Variants in CAMKMT observed in about 807,000 individuals in gnomAD.
The protein encoded by CAMKMT is calmodulin-lysine N-methyltransferase.
CAMKMT carries 53 observed loss-of-function variants against 48.0 expected under a neutral mutation model. That is an observed-to-expected ratio of 1.10 (90% CI 0.89 to 1.39). CAMKMT has a LOEUF of 1.39. CAMKMT is among the 40% of genes most tolerant of loss of function. CAMKMT has a pLI of 0.00. For synonymous variants in CAMKMT, 165 were observed against 152.3 expected, an observed-to-expected ratio of 1.08 and a Z score of -0.61; for missense variants, 428 against 402.7, an observed-to-expected ratio of 1.06 and a Z score of -0.54.
intron 3 of CAMKMT, among the ~76,000 whole-genome samples, chr2:44,648,379 T>C (rs1330094342): frequency 6.6e-6 from 1 of 152,172 alleles, no homozygotes; most frequent in African/African-American, 2.4e-5. Flanking sequence ...CATGATTATT[T>C]ATTAAATTTT....
At chr2:44,414,067 T>G (rs1369900815) in intron 3 of CAMKMT, among the ~76,000 whole-genome samples, 3 of 152,200 alleles carry the variant, frequency 2.0e-5, no homozygotes, top group African/African-American at 4.8e-5. Context: ...GCAGGATAAC[T>G]TGAATGATAC....
chr2:44,452,791 T>C (rs1667359798), intron 3 of CAMKMT, among the ~76,000 whole-genome samples: 1 of 152,024 alleles, frequency 6.6e-6, no homozygotes, highest in African/African-American at 2.4e-5. Flanking sequence ...AACCTAGTTC[T>C]TGCATTCATT....
chr2:44,557,342 T>G (rs1207036411), intron 3 of CAMKMT, among the ~76,000 whole-genome samples: 1 of 152,228 alleles, frequency 6.6e-6, no homozygotes, highest in African/African-American at 2.4e-5. Context: ...TTTGAGGAAA[T>G]AAAACTAACA....
chr2:44,624,006 C>T (rs1056994666), intron 3 of CAMKMT, among the ~76,000 whole-genome samples: 2 of 151,818 alleles, frequency 1.3e-5, no homozygotes, highest in Non-Finnish European at 2.9e-5. Flanking sequence ...AGTAGTATTC[C>T]ACTGTATGAA....
chr2:44,488,230 G>A (rs1669303194), intron 3 of CAMKMT, among the ~76,000 whole-genome samples: 1 of 152,186 alleles, frequency 6.6e-6, no homozygotes, highest in Admixed American at 6.5e-5. Context: ...CGGGCGCGGT[G>A]GCTCACACCT....
At chr2:44,758,129 C>T (rs1215509763) in intron 9 of CAMKMT, among the ~76,000 whole-genome samples, 2 of 152,182 alleles carry the variant, frequency 1.3e-5, no homozygotes, top group East Asian at 1.9e-4. Context: ...ACAGAAGTAA[C>T]TGCAAAATGA....
chr2:44,631,419 A>T, intron 3 of CAMKMT: 1 of 550,590 alleles, frequency 1.8e-6, no homozygotes, highest in Non-Finnish European at 3.2e-6. Context: ...TAATAATAAT[A>T]AAAAAGAAAG....
At chr2:44,651,362 A>G (rs1413389019) in intron 3 of CAMKMT, among the ~76,000 whole-genome samples, 7 of 152,326 alleles carry the variant, frequency 4.6e-5, no homozygotes, top group African/African-American at 1.7e-4. Context: ...ACCTGTGGCA[A>G]CATGAAGAAA....
At chr2:44,516,329 G>A (rs532213706) in intron 3 of CAMKMT, among the ~76,000 whole-genome samples, 15 of 152,262 alleles carry the variant, frequency 9.9e-5, no homozygotes, top group Middle Eastern at 3.4e-3. Context: ...TTTTTAGCAT[G>A]CATTTTCTAG....
intron 7 of CAMKMT, among the ~76,000 whole-genome samples, chr2:44,716,847 G>C (rs1034097945): frequency 6.6e-6 from 1 of 152,124 alleles, no homozygotes; most frequent in Non-Finnish European, 1.5e-5. Flanking sequence ...TCAGCATATG[G>C]AATCAGGGAA....
chr2:44,508,637 G>A (rs1443209818), intron 3 of CAMKMT, among the ~76,000 whole-genome samples: 1 of 152,154 alleles, frequency 6.6e-6, no homozygotes, highest in Non-Finnish European at 1.5e-5. Flanking sequence ...GTAGTAAAAG[G>A]AAAGTTTGGC....
At chr2:44,437,617 G>A (rs1360704967) in intron 3 of CAMKMT, among the ~76,000 whole-genome samples, 2 of 152,154 alleles carry the variant, frequency 1.3e-5, no homozygotes, top group Non-Finnish European at 2.9e-5. Flanking sequence ...GGAGGCTGAG[G>A]TGGTTGGATC....
intron 7 of CAMKMT, among the ~76,000 whole-genome samples, chr2:44,739,907 C>G (rs180964862): frequency 2.6e-5 from 4 of 152,022 alleles, no homozygotes; most frequent in African/African-American, 7.2e-5. Context: ...GAGAAAAGAA[C>G]TGATATAGGA....
chr2:44,406,563 C>A (rs1682793175), intron 3 of CAMKMT, among the ~76,000 whole-genome samples: 1 of 151,930 alleles, frequency 6.6e-6, no homozygotes, highest in Admixed American at 6.6e-5. Flanking sequence ...GGTAAGTTTT[C>A]TGGGGAGATT....
intron 3 of CAMKMT, among the ~76,000 whole-genome samples, chr2:44,691,342 C>T (rs1465692852): frequency 2.0e-5 from 3 of 152,226 alleles, no homozygotes; most frequent in East Asian, 1.9e-4. Flanking sequence ...ACCAGGGCCT[C>T]GGGGAACGTT....
At chr2:44,515,309 G>T (rs1670780370) in intron 3 of CAMKMT, among the ~76,000 whole-genome samples, 1 of 152,146 alleles carries the variant, frequency 6.6e-6, no homozygotes, top group African/African-American at 2.4e-5. Context: ...CAGTGGGACT[G>T]GGAGGAGTTA....
intron 3 of CAMKMT, among the ~76,000 whole-genome samples, chr2:44,677,501 T>C (rs1216092597): frequency 2.6e-5 from 4 of 152,140 alleles, no homozygotes; most frequent in African/African-American, 4.8e-5. Context: ...TCCAGCCACA[T>C]TGGAGATAGG....
intron 3 of CAMKMT, among the ~76,000 whole-genome samples, chr2:44,425,200 A>G (rs1684199909): frequency 6.6e-6 from 1 of 152,206 alleles, no homozygotes; most frequent in Admixed American, 6.5e-5. Flanking sequence ...AAGCTATCTA[A>G]CAATAGTTAA....
At position 44,372,844 on chromosome 2, in the gene CAMKMT, C is replaced by A. The variant is rs747080376; in HGVS notation, c.267C>A (p.Val89=). The change falls in exon 2 of 11, where the codon GTC becomes GTA. Residue 89 remains valine, a synonymous_variant. Transcript: ENST00000378494. ...CTGAAGAGGAGGTTGGTGCATGGGT[C>A]CAATATACAAGCATCTTCTGTCCTG... ...RETEEEVGAW[V]QYTSIFCPEY... 1 of 1,613,814 alleles carries A rather than the reference C, an allele frequency of 6.2e-7. No homozygotes were observed.
Sources: gnomAD v4.1 joint callset for allele counts (sites outside exome capture counted in the v4.1 genomes callset) on GRCh38, gnomAD v4.1.1 for gene constraint, MANE v1.5 for transcripts, NCBI Gene and HGNC (gene_info 2026-07-23, HGNC 2026-07-21) for gene names.